Variants in CNTN6 observed in about 807,000 individuals in gnomAD.
CNTN6 encodes contactin 6, also known as contactin-6.
A neutral mutation model predicts 122.8 loss-of-function variants in CNTN6; 137 were observed. The ratio of observed to expected loss-of-function variants is 1.12; its 90% CI spans 0.97 to 1.29. The LOEUF (loss-of-function observed/expected upper bound fraction) is 1.29. Ranked by LOEUF, CNTN6 falls within the 50% of genes most tolerant of loss-of-function variation. CNTN6 has a pLI of 0.00. For missense variants in CNTN6, 1,634 were observed against 1,223.4 expected (o/e 1.34, Z -5.01); for synonymous variants, 570 against 426.0 (o/e 1.34, Z -4.16).
At chr3:1,218,299 G>A (rs1338543055) in intron 2 of CNTN6, among the ~76,000 whole-genome samples, 2 of 152,126 alleles carry the variant, frequency 1.3e-5, no homozygotes, top group African/African-American at 4.8e-5. Flanking sequence ...CCAAGGAGAA[G>A]GAGGGTGGTT....
intron 20 of CNTN6, among the ~76,000 whole-genome samples, chr3:1,390,727 A>G (rs1469016965): frequency 6.6e-6 from 1 of 152,028 alleles, no homozygotes; most frequent in Non-Finnish European, 1.5e-5. Context: ...AGGGGATATC[A>G]CCACCAATCC....
In CNTN6 at chr3:1,175,779, A is replaced by G. The variant is rs114722098; in HGVS notation, c.55+27716A>G. Among the ~76,000 whole-genome samples, 579 of 151,784 alleles carry G rather than the reference A, an allele frequency of 3.8e-3. 5 individuals are homozygous for G. The highest frequency in any genetic ancestry group is 6.0e-3 in the Non-Finnish European group (408 of 67,640). ...CATAGAAATCAAAGCCAAAATAGCAATAGTGTGATGCGGGACTCTTGCTGT... is the reference window on the plus strand; with the variant it reads ...CATAGAAATCAAAGCCAAAATAGCAGTAGTGTGATGCGGGACTCTTGCTGT... On this transcript the variant is annotated intron_variant, in intron 2 of 22. Coordinates refer to ENST00000446702, the MANE Select transcript of CNTN6 (RefSeq NM_001289080.2).
chr3:1,373,937 C>T lies in CNTN6; in HGVS notation c.1959C>T (p.Leu653=). The part of the protein sequence containing the change: ...WQAVATVPEI[L]NGKTYNATVV... ...CATTCTTTTTAGTTCCAGAAATTCT[C>T]AATGGTAAGACATACAATGCAACAG... is the stretch of plus-strand genomic sequence containing the variant. The change falls in exon 16 of 23, where the codon CTC becomes CTT. Residue 653 remains leucine, a synonymous_variant. Transcript: ENST00000446702. The T allele has an allele frequency of 6.2e-7, 1 of 1,608,918 alleles. No individual in the cohort carries two copies.
At chr3:1,161,773 C>CACAG (rs1191444382) in intron 2 of CNTN6, among the ~76,000 whole-genome samples, 1 of 139,586 alleles carries the variant, frequency 7.2e-6, no homozygotes, top group East Asian at 2.0e-4. Flanking sequence ...TATGTATACA[C>CACAG]ACACACACAC....
intron 2 of CNTN6, among the ~76,000 whole-genome samples, chr3:1,209,418 T>C (rs1575244368): frequency 1.3e-5 from 2 of 152,290 alleles, no homozygotes; most frequent in East Asian, 3.9e-4. Flanking sequence ...CTTCTTCACA[T>C]CTTTGGTGTT....
At chr3:1,383,658 CAAAAACAAAAAA>C (rs1188507255) in intron 19 of CNTN6, among the ~76,000 whole-genome samples, 1 of 148,872 alleles carries the variant, frequency 6.7e-6, no homozygotes, top group African/African-American at 2.5e-5. Context: ...AAAACAAAAA[CAAAAACAAAAAA>C]AAACAGCTTT....
chr3:1,280,162 G>A (rs1365563054), intron 5 of CNTN6, among the ~76,000 whole-genome samples: 1 of 152,078 alleles, frequency 6.6e-6, no homozygotes, highest in Admixed American at 6.6e-5. Flanking sequence ...TTTCAACTTT[G>A]TTTAATCGGG....
At chr3:1,247,214 C>T (rs1010243390) in intron 4 of CNTN6, among the ~76,000 whole-genome samples, 3 of 151,866 alleles carry the variant, frequency 2.0e-5, no homozygotes, top group African/African-American at 7.3e-5. Context: ...GTTCAATATA[C>T]AATTTTTTTC....
intron 1 of CNTN6, among the ~76,000 whole-genome samples, chr3:1,103,077 G>T (rs1013983633): frequency 1.3e-5 from 2 of 152,096 alleles, no homozygotes; most frequent in Admixed American, 6.6e-5. Context: ...CCGCACTCCA[G>T]CCTGGGCGAC....
chr3:1,302,709 A>G (rs1263482161), intron 7 of CNTN6, among the ~76,000 whole-genome samples: 1 of 152,084 alleles, frequency 6.6e-6, no homozygotes, highest in East Asian at 1.9e-4. Flanking sequence ...ATCACTGGGA[A>G]TATTTTTTCT....
intron 7 of CNTN6, among the ~76,000 whole-genome samples, chr3:1,310,442 G>T (rs185851380): frequency 6.6e-6 from 1 of 152,186 alleles, no homozygotes; most frequent in Admixed American, 6.5e-5. Context: ...TGAACCATCA[G>T]TCCTGCATAC....
At chr3:1,367,234 C>T (rs1244048162) in intron 12 of CNTN6, among the ~76,000 whole-genome samples, 3 of 151,924 alleles carry the variant, frequency 2.0e-5, no homozygotes, top group Admixed American at 6.6e-5. Context: ...CCATGCTGTG[C>T]CGTAGGTCTC....
At chr3:1,122,397 A>AGAAGGAAGGGAGGGAGGAAT (rs1193780303) in intron 1 of CNTN6, among the ~76,000 whole-genome samples, 3,141 of 132,174 alleles carry the variant, frequency 0.024, 138 homozygotes, top group African/African-American at 0.083. Context: ...GAAGGAGGAA[A>AGAAGGAAGGGAGGGAGGAAT]GAAGGGGTTC....
At chr3:1,335,113 G>A (rs1477767516) in intron 11 of CNTN6, among the ~76,000 whole-genome samples, 2 of 152,106 alleles carry the variant, frequency 1.3e-5, no homozygotes, top group Non-Finnish European at 2.9e-5. Context: ...TTTCTTAGCT[G>A]ATAACTTCTA....
At chr3:1,235,932 T>C (rs992533948) in intron 4 of CNTN6, among the ~76,000 whole-genome samples, 1 of 152,014 alleles carries the variant, frequency 6.6e-6, no homozygotes, top group African/African-American at 2.4e-5. Flanking sequence ...GGGTGAGGCC[T>C]GTGACTGCGT....
intron 12 of CNTN6, among the ~76,000 whole-genome samples, chr3:1,362,939 CAAAG>C (rs1707684461): frequency 6.6e-6 from 1 of 151,244 alleles, no homozygotes; most frequent in African/African-American, 2.4e-5. Context: ...GTTGATATAA[CAAAG>C]AAAAAAGGAA....
chr3:1,182,738 A>C (rs1288883843), intron 2 of CNTN6, among the ~76,000 whole-genome samples: 1 of 152,148 alleles, frequency 6.6e-6, no homozygotes, highest in Non-Finnish European at 1.5e-5. Flanking sequence ...CTTGTGATAT[A>C]AAATTATATT....
At chr3:1,288,630 A>G (rs1038652063) in intron 5 of CNTN6, among the ~76,000 whole-genome samples, 2 of 152,186 alleles carry the variant, frequency 1.3e-5, no homozygotes, top group Non-Finnish European at 2.9e-5. Context: ...ACATGCTATC[A>G]ATTTTGAGAT....
intron 2 of CNTN6, among the ~76,000 whole-genome samples, chr3:1,220,056 G>A (rs1193277514): frequency 7.3e-6 from 1 of 136,156 alleles, no homozygotes; most frequent in Non-Finnish European, 1.6e-5. Flanking sequence ...TTCTTTTGGT[G>A]TAAAAGATTT....
Sources: allele counts gnomAD v4.1 joint callset (sites outside exome capture counted in the v4.1 genomes callset), GRCh38; gene constraint gnomAD v4.1.1; transcripts MANE v1.5; gene names NCBI Gene and HGNC (gene_info 2026-07-23, HGNC 2026-07-21).